LIPA: variants seen among roughly 807,000 people sequenced by gnomAD.
LIPA encodes the protein lipase A, lysosomal acid type, also known as lysosomal acid lipase/cholesteryl ester hydrolase.
In LIPA, 26 loss-of-function variants were observed where a neutral mutation model predicts 40.6. The ratio of observed to expected loss-of-function variants is 0.64; its 90% CI spans 0.47 to 0.89. The LOEUF is 0.89. Ranked by LOEUF, LIPA falls within the 40% of genes least tolerant of loss-of-function variation. The probability of loss-of-function intolerance (pLI) is 0.00; values close to 1 mark genes in which losing one functional copy is unlikely to be tolerated. For synonymous variants in LIPA, 188 were observed against 168.4 expected, an observed-to-expected ratio of 1.12 and a Z score of -0.90; for missense variants, 455 against 479.6, an observed-to-expected ratio of 0.95 and a Z score of 0.48.
intron 2 of LIPA, among the ~76,000 whole-genome samples, chr10:89,366,514 A>G (rs1348251671): frequency 6.6e-6 from 1 of 152,216 alleles, no homozygotes; most frequent in Admixed American, 6.5e-5. Context: ...CAAATTTACA[A>G]GAAAAAAACA....
chr10:89,384,853 G>C (rs541334648), intron 2 of LIPA: 1 of 939,696 alleles, frequency 1.1e-6, no homozygotes, highest in East Asian at 2.5e-5. Context: ...GCCTTGAGAG[G>C]AATGTGGCTG....
chr10:89,229,736 G>A (rs920668868), intron 3 of LIPA, among the ~76,000 whole-genome samples: 1 of 143,224 alleles, frequency 7.0e-6, no homozygotes, highest in Non-Finnish European at 1.5e-5. Flanking sequence ...CTAGGGGACA[G>A]AGGGAGACTC....
chr10:89,396,341 C>T lies in LIPA; in HGVS notation c.61+16450G>A, dbSNP rs189073871. On this transcript the variant is annotated intron_variant, in intron 2 of 8. Transcript: ENST00000371837. ...TTCTAAAGAAAAAAGGTTTATTTAG[C>T]TCACAGTTCCGCAGCCCATACAAGA... 2.1e-4 allele frequency among the ~76,000 whole-genome samples: 32 copies of T among 152,282 alleles called. 2 individuals carry two copies. The highest frequency in any genetic ancestry group is 3.4e-3 in the Middle Eastern group (1 of 292).
intron 8 of LIPA, among the ~76,000 whole-genome samples, chr10:89,222,074 A>G (rs1449347613): frequency 1.3e-5 from 2 of 152,172 alleles, no homozygotes; most frequent in Non-Finnish European, 1.5e-5. Flanking sequence ...GCATATTGTG[A>G]TCAGGGGTTA....
At chr10:89,385,994 G>C (rs1844208288) in intron 2 of LIPA, among the ~76,000 whole-genome samples, 1 of 152,226 alleles carries the variant, frequency 6.6e-6, no homozygotes, top group Non-Finnish European at 1.5e-5. Context: ...AGCAGAGGAA[G>C]TGATGGAATA....
At chr10:89,222,325 C>T (rs1322334469) in intron 8 of LIPA, among the ~76,000 whole-genome samples, 186 bp downstream of exon 8, 2 of 152,184 alleles carry the variant, frequency 1.3e-5, no homozygotes, top group Non-Finnish European at 2.9e-5. Context: ...CCACGTATAA[C>T]ACAGTGTGCC....
intron 1 of LIPA, chr10:89,284,520 A>T (rs1843331707): frequency 6.6e-6 from 1 of 152,184 alleles, no homozygotes; most frequent in African/African-American, 2.4e-5. Flanking sequence ...GTTCTCAGTG[A>T]TCTTTAAAAA....
At chr10:89,344,241 G>C (rs945863052), upstream of LIPA, among the ~76,000 whole-genome samples, 1 of 152,188 alleles carries the variant, frequency 6.6e-6, no homozygotes, top group African/African-American at 2.4e-5. Flanking sequence ...ATTTATAAGA[G>C]AGTAAGGAAT....
intron 3 of LIPA, among the ~76,000 whole-genome samples, chr10:89,240,264 A>G (rs1458632836): frequency 6.6e-6 from 1 of 152,198 alleles, no homozygotes; most frequent in Non-Finnish European, 1.5e-5. Context: ...AGAAGTCAAT[A>G]TCAGAGACCA....
exon 2 of LIPA, chr10:89,412,846 C>T (rs561766936): frequency 8.0e-5 from 29 of 364,326 alleles, no homozygotes; most frequent in African/African-American, 5.0e-4. Context: ...ACTCCAGACA[C>T]GCCATCTTTA....
chr10:89,352,611 T>C (rs1843965709), intron 2 of LIPA, among the ~76,000 whole-genome samples: 1 of 152,144 alleles, frequency 6.6e-6, no homozygotes, highest in Non-Finnish European at 1.5e-5. Flanking sequence ...CCAAGGGTTT[T>C]TTCCTGCCCA....
At chr10:89,312,037 A>T (rs1843519400) in intron 1 of LIPA, among the ~76,000 whole-genome samples, 1 of 151,940 alleles carries the variant, frequency 6.6e-6, no homozygotes, top group East Asian at 1.9e-4. Context: ...TCTCACTTTT[A>T]TCTTCCCTTT....
At chr10:89,339,028 A>G in intron 1 of LIPA, 1 of 1,614,194 alleles carries the variant, frequency 6.2e-7, no homozygotes, top group Non-Finnish European at 8.5e-7. Flanking sequence ...ACAAACCTGC[A>G]AGAAATTTTC....
chr10:89,251,916 C>G (rs1401060829), upstream of LIPA: 1 of 153,472 alleles, frequency 6.5e-6, no homozygotes, highest in African/African-American at 2.4e-5. Context: ...GCCTCGGAGA[C>G]TCCGCCCCAG....
intron 2 of LIPA, among the ~76,000 whole-genome samples, chr10:89,412,350 C>CAAAATGGACCAATCAGCACTCTGT (rs1370769450): frequency 7.9e-5 from 12 of 152,114 alleles, no homozygotes; most frequent in Middle Eastern, 3.4e-3. Context: ...AGCACTCTGT[C>CAAAATGGACCAATCAGCACTCTGT]AAAATGGACC....
At chr10:89,364,262 C>A (rs1217637169) in intron 2 of LIPA, among the ~76,000 whole-genome samples, 3 of 152,168 alleles carry the variant, frequency 2.0e-5, no homozygotes, top group Admixed American at 2.0e-4. Flanking sequence ...GTGTTAGGTA[C>A]CTGGCACCTG....
At chr10:89,329,493 A>G (rs970210270) in intron 1 of LIPA, among the ~76,000 whole-genome samples, 2 of 152,118 alleles carry the variant, frequency 1.3e-5, no homozygotes, top group African/African-American at 4.8e-5. Flanking sequence ...TGCTGGACTC[A>G]GGTTCACATC....
chr10:89,384,634 A>G, intron 2 of LIPA: 1 of 1,614,244 alleles, frequency 6.2e-7, no homozygotes, highest in Non-Finnish European at 8.5e-7. Context: ...GGAAAGTGTC[A>G]GCCTCCTTGG....
chr10:89,365,366 A>G (rs1433621404), intron 2 of LIPA, among the ~76,000 whole-genome samples: 1 of 152,166 alleles, frequency 6.6e-6, no homozygotes, highest in African/African-American at 2.4e-5. Context: ...TTGTCAGATG[A>G]GTACTTGCAA....
Sources: gnomAD v4.1 joint callset for allele counts (sites outside exome capture counted in the v4.1 genomes callset) on GRCh38, gnomAD v4.1.1 for gene constraint, MANE v1.5 for transcripts, NCBI Gene and HGNC (gene_info 2026-07-23, HGNC 2026-07-21) for gene names.